SLC1A2: variants seen among roughly 807,000 people sequenced by gnomAD.
SLC1A2 encodes excitatory amino acid transporter 2.
A neutral mutation model predicts 48.8 loss-of-function variants in SLC1A2; 15 were observed. The observed-to-expected ratio is 0.31, with a 90% confidence interval of 0.21 to 0.47. SLC1A2 has a LOEUF of 0.47. Ranked by LOEUF, SLC1A2 falls within the 20% of genes least tolerant of loss-of-function variation. SLC1A2 has a pLI of 0.99. For synonymous variants in SLC1A2, 279 were observed against 272.6 expected (o/e 1.02, Z -0.23); for missense variants, 502 against 730.5 (o/e 0.69, Z 3.61).
At chr11:35,391,008 C>CT (rs1293346098) in intron 1 of SLC1A2, 1 of 152,162 alleles carries the variant, frequency 6.6e-6, no homozygotes, top group Non-Finnish European at 1.5e-5. Flanking sequence ...TTTCTCTTTC[C>CT]TTTTATAGTG....
intron 8 of SLC1A2, chr11:35,286,128 CTT>C (rs995459045): frequency 6.6e-6 from 1 of 152,026 alleles, no homozygotes; most frequent in African/African-American, 2.4e-5. Context: ...TTAACAATCT[CTT>C]AGGAAAATGT....
At chr11:35,375,589 C>A (rs1854200055) in intron 1 of SLC1A2, among the ~76,000 whole-genome samples, 1 of 152,156 alleles carries the variant, frequency 6.6e-6, no homozygotes, top group Non-Finnish European at 1.5e-5. Flanking sequence ...AAGCTTTGGG[C>A]CCTCCAGTCA....
At chr11:35,265,339 G>A (rs187107459) in intron 10 of SLC1A2, 188 bp downstream of exon 10, 4 of 571,498 alleles carry the variant, frequency 7.0e-6, no homozygotes, top group East Asian at 5.8e-5. Flanking sequence ...CATCAGACTT[G>A]TTGATTTCCT....
intron 1 of SLC1A2, among the ~76,000 whole-genome samples, chr11:35,327,508 C>G (rs1852286373): frequency 6.6e-6 from 1 of 152,140 alleles, no homozygotes; most frequent in African/African-American, 2.4e-5. Flanking sequence ...AAGTTTGTGG[C>G]CTTCATCTTC....
At chr11:35,328,287 G>C (rs1050394149) in intron 1 of SLC1A2, among the ~76,000 whole-genome samples, 2 of 152,150 alleles carry the variant, frequency 1.3e-5, no homozygotes, top group South Asian at 2.1e-4. Context: ...TCTTCACCGG[G>C]AAGGACTCCC....
At chr11:35,318,907 C>T (rs929864674) in intron 1 of SLC1A2, among the ~76,000 whole-genome samples, 32 of 152,150 alleles carry the variant, frequency 2.1e-4, no homozygotes, top group African/African-American at 7.5e-4. Flanking sequence ...ACCTGGAACC[C>T]AAATACAACT....
At chr11:35,284,087 T>TATATATATATATA (rs1850729531) in intron 8 of SLC1A2, among the ~76,000 whole-genome samples, 9 of 115,856 alleles carry the variant, frequency 7.8e-5, no homozygotes, top group African/African-American at 2.6e-4. Context: ...GAAGATTTTA[T>TATATATATATATA]TATATATATA....
At chr11:35,348,041 G>A (rs887228509) in intron 1 of SLC1A2, among the ~76,000 whole-genome samples, 14 of 152,300 alleles carry the variant, frequency 9.2e-5, no homozygotes, top group African/African-American at 2.9e-4. Flanking sequence ...AAGTCTGGGC[G>A]GCACCTGGGT....
chr11:35,408,539 C>T (rs1855368670), intron 1 of SLC1A2, among the ~76,000 whole-genome samples: 1 of 152,200 alleles, frequency 6.6e-6, no homozygotes, highest in Admixed American at 6.5e-5. Context: ...CACCTCTCGC[C>T]ATGAATCGGA....
rs546364897 is a variant in SLC1A2 at position 35,368,061 on chromosome 11, T to A, written c.18-50545A>T. 2.6e-5 allele frequency among the ~76,000 whole-genome samples: 4 copies of A among 152,338 alleles called. No homozygotes were observed. The East Asian group carries it at 7.7e-4, about 29-fold the overall frequency. The stretch of plus-strand genomic sequence containing the variant: ...ACAGCACCACCTAATCAAAGTTTAA[T>A]CCTTGTCATACTCAGAAAGATTGAA... On this transcript the variant is annotated intron_variant, in intron 1 of 10. Coordinates refer to ENST00000278379, the MANE Select transcript of SLC1A2 (RefSeq NM_004171.4).
In SLC1A2 at chr11:35,271,799, C is replaced by T. The variant is rs137943802; in HGVS notation, c.1422-6041G>A. ...CGAAGGTTGCAGTGAGCCATGATAGCGCCACTGCACTCCAGCCTGGGCAAC... is the reference window on the plus strand; with the variant it reads ...CGAAGGTTGCAGTGAGCCATGATAGTGCCACTGCACTCCAGCCTGGGCAAC... On this transcript the variant is annotated intron_variant, in intron 9 of 10. Transcript: ENST00000278379. 2.5e-3 allele frequency among the ~76,000 whole-genome samples: 379 copies of T among 152,186 alleles called. 5 individuals carry two copies. Among genetic ancestry groups the T allele is most frequent in the African/African-American group, 8.9e-3 (368 of 41,526 alleles).
Position 35,292,469 on chromosome 11 carries a change from G to T in SLC1A2, c.909C>A (p.Ile303=). The part of the protein sequence containing the change: ...ACLICGKIIA[I]KDLEVVARQL... ...GCCTAGCAACCACTTCTAAGTCCTT[G>T]ATTGCAATGATCTTTCCACAGATCA... Residue 303 remains isoleucine, a synonymous_variant, in exon 7 of 11, where the codon ATC becomes ATA. Transcript: ENST00000278379. 6.2e-7 allele frequency: 1 copy of T among 1,613,876 alleles called. No individual in the cohort carries two copies. Among genetic ancestry groups the T allele is most frequent in the South Asian group, 1.1e-5 (1 of 91,070 alleles).
At chr11:35,403,969 A>T (rs1440041628) in intron 1 of SLC1A2, among the ~76,000 whole-genome samples, 1 of 41,004 alleles carries the variant, frequency 2.4e-5, no homozygotes, top group Non-Finnish European at 6.0e-5. Flanking sequence ...AAGCAAACAT[A>T]TGGACACGTG....
chr11:35,344,838 C>T (rs1004131309), intron 1 of SLC1A2, among the ~76,000 whole-genome samples: 1 of 152,184 alleles, frequency 6.6e-6, no homozygotes, highest in African/African-American at 2.4e-5. Context: ...GCTCACTCAC[C>T]CTCTCTGTAA....
At chr11:35,394,661 T>C (rs1854896648) in intron 1 of SLC1A2, among the ~76,000 whole-genome samples, 1 of 152,168 alleles carries the variant, frequency 6.6e-6, no homozygotes, top group South Asian at 2.1e-4. Flanking sequence ...AAGGATGGGA[T>C]GGAACCCCAG....
chr11:35,315,002 G>A (rs373401865), intron 3 of SLC1A2, 21 bp downstream of exon 3: 217 of 1,593,022 alleles, frequency 1.4e-4, no homozygotes, highest in Non-Finnish European at 1.4e-4. Context: ...TGTTAGCCAG[G>A]CACTAGTGAG....
chr11:35,317,793 A>G (rs1851932186), intron 1 of SLC1A2, among the ~76,000 whole-genome samples: 1 of 152,242 alleles, frequency 6.6e-6, no homozygotes, highest in South Asian at 2.1e-4. Flanking sequence ...GGAAGTTATC[A>G]TGTTACAGAG....
At chr11:35,317,243 G>C in intron 2 of SLC1A2, 134 bp downstream of exon 2, 2 of 812,748 alleles carry the variant, frequency 2.5e-6, no homozygotes, top group Non-Finnish European at 3.9e-6. Context: ...CTGAAGCCTG[G>C]GCAGACAGGG....
rs368105911 is a variant in SLC1A2 at position 35,295,865 on chromosome 11, TCCAGGTG to T, written c.858-3352_858-3346del. ...CAAGCTACCTAGAATTCAGTCGGTGTCCAGGTGCCAGAAACCACCAGCTTCCTGTTAA... is the reference window on the plus strand; with the variant it reads ...CAAGCTACCTAGAATTCAGTCGGTGTCCAGAAACCACCAGCTTCCTGTTAA... On this transcript the variant is annotated intron_variant, in intron 6 of 10. Transcript: ENST00000278379. Among the ~76,000 whole-genome samples the T allele has an allele frequency of 1.1e-3, 161 of 152,318 alleles. 1 individual carries two copies. Among genetic ancestry groups the T allele is most frequent in the African/African-American group, 3.8e-3 (160 of 41,568 alleles).
Sources: allele counts gnomAD v4.1 joint callset (sites outside exome capture counted in the v4.1 genomes callset), GRCh38; gene constraint gnomAD v4.1.1; transcripts MANE v1.5; gene names NCBI Gene and HGNC (gene_info 2026-07-23, HGNC 2026-07-21).